The following SGPP2 variants were observed in gnomAD, a reference collection of about 807,000 sequenced individuals.
SGPP2 encodes the protein sphingosine-1-phosphate phosphatase 2, also known as sphingosine 1-phosphate phosphohydrolase 2.
SGPP2 carries 30 observed loss-of-function variants against 33.9 expected under a neutral mutation model. The ratio of observed to expected loss-of-function variants is 0.89; its 90% confidence interval spans 0.66 to 1.20. SGPP2 has a LOEUF of 1.20. Ranked by LOEUF, SGPP2 falls within the 50% of genes most tolerant of loss-of-function variation. The probability of loss-of-function intolerance (pLI) is 0.00; values close to 1 mark genes in which losing one functional copy is unlikely to be tolerated. For synonymous variants in SGPP2, 233 were observed against 225.0 expected (o/e 1.04, Z -0.32); for missense variants, 458 against 532.1 (o/e 0.86, Z 1.37).
chr2:222,496,644 C>A (rs12469147), intron 2 of SGPP2, among the ~76,000 whole-genome samples: 4,223 of 152,286 alleles, frequency 0.028, 99 homozygotes, highest in African/African-American at 0.061. Flanking sequence ...ACCTCTAGCC[C>A]TTTCCCCTGT....
At chr2:222,474,497 T>G in intron 1 of SGPP2, 71 bp from the exon 2 acceptor site, 2 of 1,442,432 alleles carry the variant, frequency 1.4e-6, no homozygotes, top group East Asian at 2.3e-5. Flanking sequence ...GACCTGTGAG[T>G]TTTAGACAGA....
intron 2 of SGPP2, among the ~76,000 whole-genome samples, chr2:222,478,926 T>C (rs903301160): frequency 6.6e-6 from 1 of 152,246 alleles, no homozygotes; most frequent in Non-Finnish European, 1.5e-5. Context: ...AGTATCATTT[T>C]TTAGATTGGA....
At chr2:222,457,167 T>G (rs1157202108) in intron 1 of SGPP2, among the ~76,000 whole-genome samples, 1 of 151,992 alleles carries the variant, frequency 6.6e-6, no homozygotes, top group Admixed American at 6.5e-5. Flanking sequence ...TATTCAGTGG[T>G]TTTTTTAATT....
In SGPP2 at chr2:222,424,634, C is replaced by T; in HGVS notation, c.32C>T (p.Ser11Phe). MAELLRSLQD[S>F]QLVARFQRRC... ...GAGCTGCTGCGGAGCCTGCAGGATT[C>T]CCAGCTCGTCGCCCGCTTCCAGCGC... The change falls in exon 1 of 5, where the codon TCC becomes TTC. Residue 11 changes from serine (S) to phenylalanine (F), a missense_variant. Physicochemically the swap from Ser to Phe is radical, Grantham distance 155 (BLOSUM62 -2). Transcript: ENST00000321276. 3 of 1,421,608 alleles carry T rather than the reference C, an allele frequency of 2.1e-6. No homozygotes were observed. Among genetic ancestry groups the T allele is most frequent in the Non-Finnish European group, 2.8e-6 (3 of 1,085,308 alleles). 88.1% of individuals were successfully genotyped at this position (1,421,608 alleles called of 1,614,324 possible). A position where few individuals can be genotyped will look rare whatever the true frequency, so the allele number is the denominator to read the frequency against.
At chr2:222,450,688 C>A (rs1003551394) in intron 1 of SGPP2, among the ~76,000 whole-genome samples, 1 of 152,186 alleles carries the variant, frequency 6.6e-6, no homozygotes, top group Non-Finnish European at 1.5e-5. Flanking sequence ...CTAATGGGAA[C>A]CTGGAGGGGA....
chr2:222,479,061 G>T (rs1320891121), intron 2 of SGPP2, among the ~76,000 whole-genome samples: 1 of 152,166 alleles, frequency 6.6e-6, no homozygotes, highest in Non-Finnish European at 1.5e-5. Context: ...CTGAGAAATA[G>T]TTATTACCAG....
At chr2:222,539,484 TC>T (rs1161987001) in intron 4 of SGPP2, among the ~76,000 whole-genome samples, 3 of 152,214 alleles carry the variant, frequency 2.0e-5, no homozygotes, top group Non-Finnish European at 4.4e-5. Flanking sequence ...ATACTCAGTG[TC>T]CGGCACCACT....
intron 4 of SGPP2, among the ~76,000 whole-genome samples, chr2:222,548,094 T>C (rs4592839): frequency 0.36 from 54,041 of 152,098 alleles, 9,898 homozygotes; most frequent in South Asian, 0.5. Context: ...TCCACCAAAT[T>C]GAAATTATTT....
chr2:222,496,317 T>C (rs1402439145), intron 2 of SGPP2, among the ~76,000 whole-genome samples: 1 of 152,238 alleles, frequency 6.6e-6, no homozygotes, highest in Admixed American at 6.5e-5. Flanking sequence ...CAGAGTCTTA[T>C]TCTCCAGGGA....
rs967159371 is a variant in SGPP2 at position 222,447,063 on chromosome 2, C to T, written c.219+22242C>T. Among the ~76,000 whole-genome samples the T allele has an allele frequency of 2.6e-5, 4 of 152,228 alleles. No homozygotes were observed. In the South Asian group the frequency reaches 8.3e-4, roughly 32 times the overall value. ...TCAGCTGCTCCACAATATCATCAGA[C>T]TCAAGCTGCCTCTTTCTTTATGCTC... is the stretch of plus-strand genomic sequence containing the variant. On this transcript the variant is annotated intron_variant, in intron 1 of 4. Transcript: ENST00000321276.
Position 222,424,732 on chromosome 2 carries a change from C to T in SGPP2, c.130C>T (p.Arg44Trp), listed in dbSNP as rs964286756. Residue 44 changes from arginine to tryptophan, a missense_variant, in exon 1 of 5, where the codon CGG becomes TGG. Physicochemically the swap from Arg to Trp is moderately radical, Grantham distance 101. Coordinates refer to ENST00000321276, the MANE Select transcript of SGPP2 (RefSeq NM_152386.4). ...CGCGGACCCCACGGAGCGCGCGGCG[C>T]GGGTCCCCGGGGTCGAGCATCTCCC... is the stretch of plus-strand genomic sequence containing the variant. The part of the protein sequence containing the change: ...NGADPTERAA[R>W]VPGVEHLPAA... 84 of 1,431,278 alleles carry T rather than the reference C, an allele frequency of 5.9e-5. No homozygotes were observed. The highest frequency in any genetic ancestry group is 6.9e-5 in the Non-Finnish European group (75 of 1,094,012). The allele number at this position is 1,431,278 out of a possible 1,614,324, so 88.7% of individuals were successfully genotyped here.
chr2:222,488,406 T>C (rs1698145019), intron 2 of SGPP2, among the ~76,000 whole-genome samples: 1 of 152,242 alleles, frequency 6.6e-6, no homozygotes, highest in African/African-American at 2.4e-5. Context: ...TATTGTGAAC[T>C]GTGCATGCAA....
chr2:222,434,985 C>G (rs201242461), intron 1 of SGPP2, among the ~76,000 whole-genome samples: 1 of 146,522 alleles, frequency 6.8e-6, no homozygotes, highest in Non-Finnish European at 1.5e-5. Flanking sequence ...TACACACACA[C>G]ACACACACAC....
intron 2 of SGPP2, among the ~76,000 whole-genome samples, chr2:222,490,460 G>C (rs1172287320): frequency 6.6e-6 from 1 of 152,124 alleles, no homozygotes; most frequent in Non-Finnish European, 1.5e-5. Context: ...ACAGGGTCTT[G>C]CTCTGTTGCC....
chr2:222,521,586 G>GA (rs1698685731), intron 2 of SGPP2, among the ~76,000 whole-genome samples, 181 bp from the exon 3 acceptor site: 2 of 152,218 alleles, frequency 1.3e-5, no homozygotes, highest in Admixed American at 1.3e-4. Context: ...ATGGAATCCA[G>GA]AAAGTCTGTT....
rs570976893 is a variant in SGPP2 at position 222,509,866 on chromosome 2, C to T, written c.379-11901C>T. On this transcript the variant is annotated intron_variant, in intron 2 of 4. Coordinates refer to ENST00000321276, the MANE Select transcript of SGPP2 (RefSeq NM_152386.4). The stretch of plus-strand genomic sequence containing the variant: ...CTATCTCACTTCAGAACATTTTTAC[C>T]CCCTGAAAAGGAACCCCAATATCCA... 2.6e-5 allele frequency among the ~76,000 whole-genome samples: 4 copies of T among 152,230 alleles called. No homozygotes were observed. In the East Asian group the frequency reaches 7.7e-4, roughly 29 times the overall value.
intron 1 of SGPP2, among the ~76,000 whole-genome samples, chr2:222,428,882 C>T (rs1697111679): frequency 6.8e-6 from 1 of 147,320 alleles, no homozygotes; most frequent in South Asian, 2.1e-4. Context: ...ACCTCTGCCT[C>T]CTGGATTCAA....
At chr2:222,425,712 G>T (rs1265354663) in intron 1 of SGPP2, among the ~76,000 whole-genome samples, 1 of 152,138 alleles carries the variant, frequency 6.6e-6, no homozygotes, top group Non-Finnish European at 1.5e-5. Flanking sequence ...AGAAATAAAC[G>T]TATTAATAAT....
At chr2:222,546,898 C>T (rs1337107200) in intron 4 of SGPP2, among the ~76,000 whole-genome samples, 2 of 151,854 alleles carry the variant, frequency 1.3e-5, no homozygotes, top group Non-Finnish European at 2.9e-5. Context: ...TCACATTGGC[C>T]TCTGTGATTT....
Sources: allele counts gnomAD v4.1 joint callset (sites outside exome capture counted in the v4.1 genomes callset), GRCh38; gene constraint gnomAD v4.1.1; transcripts MANE v1.5; gene names NCBI Gene and HGNC (gene_info 2026-07-23, HGNC 2026-07-21).